Variants in NDUFB5 observed in about 807,000 individuals in gnomAD.
NDUFB5 encodes the protein NADH:ubiquinone oxidoreductase subunit B5, also known as NADH dehydrogenase [ubiquinone] 1 beta subcomplex subunit 5, mitochondrial.
NDUFB5 carries 19 observed loss-of-function variants against 19.4 expected under a neutral mutation model. That is an observed-to-expected ratio of 0.98 (90% CI 0.68 to 1.43). The LOEUF (loss-of-function observed/expected upper bound fraction) is 1.43. NDUFB5 is among the 40% of genes most tolerant of loss of function. The pLI, the probability that NDUFB5 is intolerant of heterozygous loss-of-function variation, is 0.00. For synonymous variants in NDUFB5, 80 were observed against 82.6 expected (o/e 0.97, Z 0.17); for missense variants, 233 against 236.5 (o/e 0.99, Z 0.10).
At chr3:179,610,197 A>G (rs192962978) in intron 1 of NDUFB5, among the ~76,000 whole-genome samples, 157 of 152,288 alleles carry the variant, frequency 1.0e-3, no homozygotes, top group African/African-American at 3.5e-3. Context: ...GACTCAGGTG[A>G]TCCTCTCGCC....
At chr3:179,611,785 T>C (rs1465646589) in intron 1 of NDUFB5, among the ~76,000 whole-genome samples, 2 of 152,148 alleles carry the variant, frequency 1.3e-5, no homozygotes, top group Non-Finnish European at 2.9e-5. Context: ...CATCAAAGGC[T>C]TAATAACTTT....
intron 1 of NDUFB5, among the ~76,000 whole-genome samples, chr3:179,611,261 G>A (rs1719233233): frequency 6.6e-6 from 1 of 152,306 alleles, no homozygotes; most frequent in Non-Finnish European, 1.5e-5. Context: ...ATGAAATGGA[G>A]AATTTAACTC....
Position 179,624,655 on chromosome 3 carries a change from G to C in NDUFB5, c.*615G>C, listed in dbSNP as rs1302192638. The C allele has an allele frequency of 6.7e-6, 1 of 150,098 alleles. No individual in the cohort carries two copies. Among genetic ancestry groups the C allele is most frequent in the African/African-American group, 2.5e-5 (1 of 40,498 alleles). 9.3% of individuals were successfully genotyped at this position (150,098 alleles called of 1,614,324 possible). A position where few individuals can be genotyped will look rare whatever the true frequency, so the allele number is the denominator to read the frequency against. ...GGATCCCTTAGAGTCCTTTTTTGGG[G>C]AAGTAGTTGCACTAGGTAATGTGAT... On this transcript the variant is annotated 3_prime_UTR_variant, in exon 6 of 6. Coordinates refer to ENST00000259037, the MANE Select transcript of NDUFB5 (RefSeq NM_002492.4).
chr3:179,619,205 T>G (rs942758501), intron 5 of NDUFB5, among the ~76,000 whole-genome samples: 5 of 151,478 alleles, frequency 3.3e-5, no homozygotes, highest in African/African-American at 7.3e-5. Context: ...TGTTTTTTTT[T>G]TTTTTTTTTT....
At chr3:179,610,231 G>A (rs1043938154) in intron 1 of NDUFB5, among the ~76,000 whole-genome samples, 10 of 152,176 alleles carry the variant, frequency 6.6e-5, no homozygotes, top group African/African-American at 2.2e-4. Flanking sequence ...TAGCTGGGAT[G>A]ACGGGTGCAC....
rs148985071 is a variant in NDUFB5 at position 179,608,732 on chromosome 3, G to A, written c.124+3793G>A. Among the ~76,000 whole-genome samples, 241 of 152,264 alleles carry A rather than the reference G, an allele frequency of 1.6e-3. 1 individual carries two copies. Among genetic ancestry groups the A allele is most frequent in the African/African-American group, 5.5e-3 (227 of 41,546 alleles). The stretch of plus-strand genomic sequence containing the variant: ...AATTTACTTAATTTAAATGGATCCA[G>A]GTGCTGGGGTGATTACCCTTATCTT... On this transcript the variant is annotated intron_variant, in intron 1 of 5. Coordinates refer to ENST00000259037, the MANE Select transcript of NDUFB5 (RefSeq NM_002492.4).
At chr3:179,606,086 C>T (rs1719089917) in intron 1 of NDUFB5, among the ~76,000 whole-genome samples, 1 of 152,224 alleles carries the variant, frequency 6.6e-6, no homozygotes, top group South Asian at 2.1e-4. Context: ...GCCACTGCAC[C>T]TGACCAATAC....
chr3:179,607,372 C>G (rs1433741835), intron 1 of NDUFB5, among the ~76,000 whole-genome samples: 1 of 152,200 alleles, frequency 6.6e-6, no homozygotes, highest in African/African-American at 2.4e-5. Flanking sequence ...GACTGCCTAT[C>G]TTCAAATTCT....
chr3:179,617,655 C>T (rs751360384), intron 4 of NDUFB5, among the ~76,000 whole-genome samples: 5 of 152,162 alleles, frequency 3.3e-5, no homozygotes, highest in Non-Finnish European at 4.4e-5. Flanking sequence ...TTAATGCTAG[C>T]TGTCATTTAT....
intron 1 of NDUFB5, among the ~76,000 whole-genome samples, chr3:179,611,775 C>A (rs1403320267): frequency 6.6e-6 from 1 of 152,104 alleles, no homozygotes; most frequent in African/African-American, 2.4e-5. Flanking sequence ...AAATCGCAAT[C>A]ATCAAAGGCT....
Position 179,623,976 on chromosome 3 carries a change from A to G in NDUFB5, c.506A>G (p.Tyr169Cys). ...LMHVRGDGPW[Y>C]YYETIDKELI... is the part of the protein sequence containing the mutation. Reference sequence around the variant, plus strand: ...CATGTGAGAGGAGATGGACCCTGGTATTACTATGAGACAATTGACAAGGAA... The same window carrying G: ...CATGTGAGAGGAGATGGACCCTGGTGTTACTATGAGACAATTGACAAGGAA... The change falls in exon 6 of 6, where the codon TAT becomes TGT. Residue 169 changes from tyrosine (Y) to cysteine (C), a missense_variant. Tyr to Cys is a radical substitution (Grantham distance 194). Coordinates refer to ENST00000259037, the MANE Select transcript of NDUFB5 (RefSeq NM_002492.4). 6.2e-7 allele frequency: 1 copy of G among 1,614,008 alleles called. No individual in the cohort carries two copies. Among genetic ancestry groups the G allele is most frequent in the Non-Finnish European group, 8.5e-7 (1 of 1,179,884 alleles).
Position 179,626,720 on chromosome 3 carries a change from A to AG in NDUFB5, c.*2685dup, listed in dbSNP as rs1310701217. ...TAATTTTTTTGTATTTTTAGTAGAG[A>AG]GGGGGTGTCACCATGTTGGCCAGGG... On this transcript the variant is annotated 3_prime_UTR_variant, in exon 6 of 6. Coordinates refer to ENST00000259037, the MANE Select transcript of NDUFB5 (RefSeq NM_002492.4). 2 of 152,036 alleles carry AG rather than the reference A, an allele frequency of 1.3e-5. No individual in the cohort carries two copies. Among genetic ancestry groups the AG allele is most frequent in the Admixed American group, 6.6e-5 (1 of 15,248 alleles). 9.4% of individuals were successfully genotyped at this position (152,036 alleles called of 1,614,324 possible). A position where few individuals can be genotyped will look rare whatever the true frequency, so the allele number is the denominator to read the frequency against.
At position 179,624,123 on chromosome 3, in the gene NDUFB5, GAA is replaced by G; in HGVS notation, c.*87_*88del. 8.4e-6 allele frequency: 11 copies of G among 1,304,414 alleles called. No individual in the cohort carries two copies. Among genetic ancestry groups the G allele is most frequent in the Non-Finnish European group, 1.1e-5 (11 of 966,502 alleles). The allele number at this position is 1,304,414 out of a possible 1,614,324, so 80.8% of individuals were successfully genotyped here. A position where few individuals can be genotyped will look rare whatever the true frequency, so the allele number is the denominator to read the frequency against. ...TATATTCTGTATTTTTGCTCTCCGT[GAA>G]AAACAAAAGAGCCTCTGACATTACT... On this transcript the variant is annotated 3_prime_UTR_variant, in exon 6 of 6. Coordinates refer to ENST00000259037, the MANE Select transcript of NDUFB5 (RefSeq NM_002492.4).
chr3:179,611,423 TTTTTC>T lies in NDUFB5; in HGVS notation c.125-3545_125-3541del, dbSNP rs1719237725. On this transcript the variant is annotated intron_variant, in intron 1 of 5. Coordinates refer to ENST00000259037, the MANE Select transcript of NDUFB5 (RefSeq NM_002492.4). The stretch of plus-strand genomic sequence containing the variant: ...ATTTTCAGTTGTTGTCTTTTTTTTT[TTTTTC>T]TTGAGACGGAGTCTCGCTCTGTCAC... Among the ~76,000 whole-genome samples, 5 of 152,128 alleles carry T rather than the reference TTTTTC, an allele frequency of 3.3e-5. No homozygotes were observed. In the South Asian group the frequency reaches 1.0e-3, roughly 32 times the overall value.
rs1329736311 is a variant in NDUFB5, at chr3:179,624,802, T to TC, written c.*762_*763insC. The TC allele has an allele frequency of 9.5e-6, 1 of 105,760 alleles. No individual in the cohort carries two copies. Among genetic ancestry groups the TC allele is most frequent in the Admixed American group, 1.0e-4 (1 of 9,856 alleles). The allele number at this position is 105,760 out of a possible 1,614,324, so 6.6% of individuals were successfully genotyped here. Reference sequence around the variant, plus strand: ...TTAACATTATTTTCTTTTCTTTTTTTTTTTTTTTTTTTTTGACGAAATCTT... The same window carrying TC: ...TTAACATTATTTTCTTTTCTTTTTTTCTTTTTTTTTTTTTTGACGAAATCTT... On this transcript the variant is annotated 3_prime_UTR_variant, in exon 6 of 6. Transcript: ENST00000259037.
intron 5 of NDUFB5, among the ~76,000 whole-genome samples, chr3:179,620,821 G>T (rs548576051): frequency 3.9e-4 from 60 of 152,226 alleles, no homozygotes; most frequent in African/African-American, 1.4e-3. Context: ...TCTGGAAGTG[G>T]CATTAATAAG....
intron 1 of NDUFB5, 165 bp from the exon 2 acceptor site, chr3:179,614,806 A>G (rs1719332912): frequency 7.4e-6 from 3 of 404,706 alleles, no homozygotes; most frequent in Non-Finnish European, 1.3e-5. Context: ...ACCTCATAAC[A>G]AGGTTTGAGG....
At chr3:179,622,263 A>C (rs1719558260) in intron 5 of NDUFB5, among the ~76,000 whole-genome samples, 1 of 151,912 alleles carries the variant, frequency 6.6e-6, no homozygotes, top group South Asian at 2.1e-4. Context: ...TAGTGCTGGG[A>C]TTACAGGCAT....
At chr3:179,609,943 ATATTAT>A (rs1219424842) in intron 1 of NDUFB5, among the ~76,000 whole-genome samples, 2 of 151,898 alleles carry the variant, frequency 1.3e-5, no homozygotes, top group Non-Finnish European at 2.9e-5. Context: ...ATTATTTATT[ATATTAT>A]TATTTTTTAA....
Sources: gnomAD v4.1 joint callset for allele counts (sites outside exome capture counted in the v4.1 genomes callset) on GRCh38, gnomAD v4.1.1 for gene constraint, MANE v1.5 for transcripts, NCBI Gene and HGNC (gene_info 2026-07-23, HGNC 2026-07-21) for gene names.